Variants in LIFR observed in about 807,000 individuals in gnomAD.
LIFR encodes leukemia inhibitory factor receptor.
A neutral mutation model predicts 122.2 loss-of-function variants in LIFR; 84 were observed. That is an observed-to-expected ratio of 0.69 (90% CI 0.58 to 0.82). LIFR has a LOEUF of 0.82. Among genes scored for constraint, LIFR ranks in the 40% least tolerant of loss-of-function variants. The pLI is 0.00. For synonymous variants in LIFR, 422 were observed against 434.7 expected, an observed-to-expected ratio of 0.97 and a Z score of 0.36; for missense variants, 1,294 against 1,311.6, an observed-to-expected ratio of 0.99 and a Z score of 0.21.
At chr5:38,567,711 T>C (rs1250029929) in intron 1 of LIFR, among the ~76,000 whole-genome samples, 1 of 151,906 alleles carries the variant, frequency 6.6e-6, no homozygotes, top group Non-Finnish European at 1.5e-5. Flanking sequence ...GTATTTTTAG[T>C]AGAGCCGAGG....
intron 1 of LIFR, among the ~76,000 whole-genome samples, chr5:38,593,532 G>A (rs1749998776): frequency 6.6e-6 from 1 of 152,158 alleles, no homozygotes; most frequent in South Asian, 2.1e-4. Flanking sequence ...TGCAGAAAAT[G>A]CTTTCAGACA....
chr5:38,494,092 G>A (rs1389347629), intron 13 of LIFR, among the ~76,000 whole-genome samples: 2 of 152,208 alleles, frequency 1.3e-5, no homozygotes, highest in Middle Eastern at 3.2e-3. Flanking sequence ...CAGGAAGGAC[G>A]CAGCTAAGGA....
chr5:38,485,091 T>C (rs544392577), intron 17 of LIFR, among the ~76,000 whole-genome samples: 4 of 152,336 alleles, frequency 2.6e-5, no homozygotes, highest in African/African-American at 4.8e-5. Context: ...ATCTTGATAC[T>C]TGTGACATTT....
intron 14 of LIFR, among the ~76,000 whole-genome samples, chr5:38,493,088 T>C (rs928560283): frequency 1.3e-5 from 2 of 152,156 alleles, no homozygotes; most frequent in Non-Finnish European, 2.9e-5. Context: ...CCCCTTGCCC[T>C]GCATCAGGGT....
At chr5:38,530,955 C>T (rs1746974933) in intron 1 of LIFR, 3 of 307,528 alleles carry the variant, frequency 9.8e-6, no homozygotes, top group Non-Finnish European at 1.8e-5. Flanking sequence ...ACATGGCTAT[C>T]AACTCTACTC....
chr5:38,543,930 T>G (rs1747728731), intron 1 of LIFR, among the ~76,000 whole-genome samples: 1 of 152,138 alleles, frequency 6.6e-6, no homozygotes, highest in South Asian at 2.1e-4. Context: ...GATTGATTCA[T>G]AACCCTCCTA....
chr5:38,587,720 CAA>C (rs552521932), intron 1 of LIFR, among the ~76,000 whole-genome samples: 92 of 152,288 alleles, frequency 6.0e-4, no homozygotes, highest in Non-Finnish European at 1.2e-3. Flanking sequence ...TAACATTGCC[CAA>C]AGTCACTTTA....
chr5:38,591,472 C>T (rs1259399744), intron 1 of LIFR, among the ~76,000 whole-genome samples: 1 of 152,200 alleles, frequency 6.6e-6, no homozygotes, highest in African/African-American at 2.4e-5. Flanking sequence ...GAGGACTCCA[C>T]ACTAATGTTT....
intron 1 of LIFR, among the ~76,000 whole-genome samples, chr5:38,545,861 CA>C (rs1198162717): frequency 3.4e-5 from 2 of 59,654 alleles, no homozygotes; most frequent in East Asian, 5.5e-4. Flanking sequence ...GACTCCATCT[CA>C]AAAAAAAAGA....
chr5:38,574,989 C>T (rs1749336362), intron 1 of LIFR, among the ~76,000 whole-genome samples: 1 of 152,176 alleles, frequency 6.6e-6, no homozygotes, highest in Non-Finnish European at 1.5e-5. Context: ...CACCAAAAGG[C>T]ATGCACTGAA....
chr5:38,548,306 C>T (rs1053890251), intron 1 of LIFR, among the ~76,000 whole-genome samples: 1 of 152,128 alleles, frequency 6.6e-6, no homozygotes. Flanking sequence ...TGAATGTCAA[C>T]GAAGTGAAAT....
At chr5:38,502,522 G>C (rs1554020692) in intron 11 of LIFR, 115 bp downstream of exon 11, 7 of 861,014 alleles carry the variant, frequency 8.1e-6, no homozygotes, top group Non-Finnish European at 9.7e-6. Flanking sequence ...GCCTCCCAAA[G>C]TGCTGGGATT....
rs549604535 is a variant in LIFR, at chr5:38,565,464, C to T, written c.-20+29797G>A. Among the ~76,000 whole-genome samples the T allele has an allele frequency of 3.9e-5, 6 of 152,098 alleles. No individual in the cohort carries two copies. In the South Asian group the frequency reaches 1.2e-3, roughly 32 times the overall value. ...CATAGCTATTGGGGGAAGGTAAATT[C>T]CTACATGAAGGAAGGTGGGAAGGGC... On this transcript the variant is annotated intron_variant, in intron 1 of 19. Coordinates refer to the LIFR transcript ENST00000263409.
intron 2 of LIFR, among the ~76,000 whole-genome samples, chr5:38,529,696 T>C (rs943776331): frequency 5.3e-5 from 8 of 152,154 alleles, no homozygotes; most frequent in Admixed American, 1.3e-4. Flanking sequence ...AAGGCAACTA[T>C]AGAATAAAAA....
At chr5:38,562,779 T>A (rs948852943) in intron 1 of LIFR, among the ~76,000 whole-genome samples, 3 of 152,212 alleles carry the variant, frequency 2.0e-5, no homozygotes, top group African/African-American at 7.2e-5. Context: ...TTCAATATTA[T>A]GTACAAAACC....
intron 5 of LIFR, among the ~76,000 whole-genome samples, chr5:38,515,960 T>C (rs2112514495): frequency 6.6e-6 from 1 of 152,300 alleles, no homozygotes; most frequent in African/African-American, 2.4e-5. Flanking sequence ...TAGGATATCA[T>C]AAAATGACTG....
chr5:38,586,875 A>G (rs568374394), intron 1 of LIFR, among the ~76,000 whole-genome samples: 39 of 152,330 alleles, frequency 2.6e-4, no homozygotes, highest in African/African-American at 8.2e-4. Context: ...CAGCTTGCAT[A>G]TCTTCCTTTA....
intron 11 of LIFR, among the ~76,000 whole-genome samples, chr5:38,499,818 T>C (rs1012735196): frequency 6.6e-6 from 1 of 152,014 alleles, no homozygotes; most frequent in Non-Finnish European, 1.5e-5. Context: ...ATTCCCTGGG[T>C]TCCCCTCTGC....
intron 1 of LIFR, among the ~76,000 whole-genome samples, chr5:38,588,452 T>A (rs921636900): frequency 6.6e-6 from 1 of 152,216 alleles, no homozygotes. Context: ...TTTATTGACC[T>A]CATTGTTAAA....
Sources: allele counts gnomAD v4.1 joint callset (sites outside exome capture counted in the v4.1 genomes callset), GRCh38; gene constraint gnomAD v4.1.1; transcripts MANE v1.5; gene names NCBI Gene and HGNC (gene_info 2026-07-23, HGNC 2026-07-21).